Variants in ZNF101 observed in about 807,000 individuals in gnomAD.
The protein encoded by ZNF101 is zinc finger protein 101 (Y2).
ZNF101 carries 34 observed loss-of-function variants against 42.6 expected under a neutral mutation model. The ratio of observed to expected loss-of-function variants is 0.80; its 90% CI spans 0.61 to 1.06. The LOEUF (loss-of-function observed/expected upper bound fraction) is 1.06, where lower values mean the gene tolerates loss of function less well. ZNF101 is among the 50% of genes least tolerant of loss of function. The pLI is 0.00. For synonymous variants in ZNF101, 158 were observed against 183.9 expected, an observed-to-expected ratio of 0.86 and a Z score of 1.14; for missense variants, 466 against 530.9, an observed-to-expected ratio of 0.88 and a Z score of 1.20.
At chr19:19,678,482 G>C (rs1384406095) in intron 2 of ZNF101, among the ~76,000 whole-genome samples, 3 of 151,920 alleles carry the variant, frequency 2.0e-5, no homozygotes, top group Non-Finnish European at 4.4e-5. Flanking sequence ...GGGTGTGGTA[G>C]TGCATACCTG....
At position 19,679,360 on chromosome 19, in the gene ZNF101, A is replaced by G. The variant is rs181251469; in HGVS notation, c.371A>G (p.His124Arg). Reference sequence around the variant, plus strand: ...TTCCTGGACAGGCACATGAGAGCTCATGCTGGACACAAACGATCTGAGTGT... The same window carrying G: ...TTCCTGGACAGGCACATGAGAGCTCGTGCTGGACACAAACGATCTGAGTGT... ...HSFLDRHMRAHAGHKRSECGG... is the reference protein window; with the variant it reads ...HSFLDRHMRARAGHKRSECGG... Residue 124 changes from histidine to arginine, a missense_variant, in exon 4 of 4, where the codon CAT becomes CGT. By Grantham distance (29) the His-to-Arg change is conservative. Transcript: ENST00000592502. 5 of 1,614,050 alleles carry G rather than the reference A, an allele frequency of 3.1e-6. No individual in the cohort carries two copies. The highest frequency in any genetic ancestry group is 4.2e-6 in the Non-Finnish European group (5 of 1,179,958).
At chr19:19,671,488 C>G (rs1376840653) in intron 1 of ZNF101, among the ~76,000 whole-genome samples, 3 of 150,706 alleles carry the variant, frequency 2.0e-5, no homozygotes, top group Non-Finnish European at 2.9e-5. Flanking sequence ...ATACCATCAC[C>G]TTAGGTGTTA....
intron 1 of ZNF101, chr19:19,676,431 C>G (rs2062203426): frequency 1.3e-5 from 2 of 152,102 alleles, no homozygotes; most frequent in Non-Finnish European, 2.9e-5. Flanking sequence ...ATTGAAGACT[C>G]TTCTTTTTCC....
chr19:19,677,274 A>G (rs2062207866), intron 1 of ZNF101: 1 of 152,492 alleles, frequency 6.6e-6, no homozygotes, highest in Non-Finnish European at 1.5e-5. Flanking sequence ...CTCTGTGCCC[A>G]GAGTGTTTTT....
In ZNF101 at chr19:19,669,071, C is replaced by G. The variant is rs991649899; in HGVS notation, c.3+105C>G. 1.2e-5 allele frequency: 17 copies of G among 1,449,228 alleles called. No individual in the cohort carries two copies. The Admixed American group carries it at 3.6e-4, about 30-fold the overall frequency. The allele number at this position is 1,449,228 out of a possible 1,614,324, so 89.8% of individuals were successfully genotyped here. ...GCGGCGACTGTGGGGGTCTGGGACC[C>G]GAGTCCCCCAGGCGCAGCTCGACCC... On this transcript the variant is annotated intron_variant, in intron 1 of 3. Transcript: ENST00000592502.
Position 19,677,992 on chromosome 19 carries a change from T to A in ZNF101, c.130+2T>A, listed in dbSNP as rs1555755643. 2 of 1,609,120 alleles carry A rather than the reference T, an allele frequency of 1.2e-6. No homozygotes were observed. The highest frequency in any genetic ancestry group is 1.7e-6 in the Non-Finnish European group (2 of 1,176,928). ...CCTTCAGGAACCTGGCCTCGGTCGG[T>A]AAGAAGGACATTTCCTTCCTTAGTC... is the stretch of plus-strand genomic sequence containing the variant. On this transcript the variant is annotated splice_donor_variant, in intron 2 of 3. Coordinates refer to ENST00000592502, the MANE Select transcript of ZNF101 (RefSeq NM_033204.4). LOFTEE classifies it high-confidence loss of function.
In ZNF101 at chr19:19,681,366, T is replaced by G. The variant is rs1414681614; in HGVS notation, c.*1066T>G. 6.6e-6 allele frequency: 1 copy of G among 152,170 alleles called. No homozygotes were observed. The highest frequency in any genetic ancestry group is 1.5e-5 in the Non-Finnish European group (1 of 68,034). 9.4% of individuals were successfully genotyped at this position (152,170 alleles called of 1,614,324 possible). On this transcript the variant is annotated 3_prime_UTR_variant, in exon 4 of 4. Coordinates refer to ENST00000592502, the MANE Select transcript of ZNF101 (RefSeq NM_033204.4). ...TTCAAAGACACGTGTCAGTGCACAC[T>G]GGAGATGGATGGTATGAATCGAAGA...
rs763537200 is a variant in ZNF101, at chr19:19,680,244, G to A, written c.1255G>A (p.Gly419Arg). Residue 419 changes from glycine (G) to arginine (R), a missense_variant, in exon 4 of 4, where the codon GGG (glycine) becomes AGG (arginine). Physicochemically the swap from Gly to Arg is moderately radical, Grantham distance 125. Transcript: ENST00000592502. ...LRLHERTHLAGRSQCFGRRQG... is the reference protein window; with the variant it reads ...LRLHERTHLARRSQCFGRRQG... ...ACTTCATGAAAGAACTCATTTGGCC[G>A]GGCGTAGCCAGTGCTTTGGCAGGAG... is the stretch of plus-strand genomic sequence containing the variant. The A allele has an allele frequency of 7.7e-6, 12 of 1,557,612 alleles. No individual in the cohort carries two copies. Among genetic ancestry groups the A allele is most frequent in the South Asian group, 3.7e-5 (3 of 80,410 alleles).
At chr19:19,671,022 C>A (rs942374110) in intron 1 of ZNF101, among the ~76,000 whole-genome samples, 3 of 152,182 alleles carry the variant, frequency 2.0e-5, no homozygotes, top group Non-Finnish European at 1.5e-5. Context: ...AGGAGAATGG[C>A]GTGAATCCGG....
intron 1 of ZNF101, among the ~76,000 whole-genome samples, chr19:19,670,693 G>A (rs963599866): frequency 6.6e-6 from 1 of 152,028 alleles, no homozygotes; most frequent in Non-Finnish European, 1.5e-5. Flanking sequence ...GGGAGGTTGA[G>A]ACTGCCGTTA....
Position 19,679,645 on chromosome 19 carries a change from A to C in ZNF101, c.656A>C (p.His219Pro). 1 of 1,613,516 alleles carries C rather than the reference A, an allele frequency of 6.2e-7. No individual in the cohort carries two copies. ...SSFFRKHGKM[H>P]TGEKRYECKY... is the part of the protein sequence containing the mutation. ...TTCTTTCGAAAACATGGAAAAATGC[A>C]TACTGGAGAAAAACGCTATGAATGT... is the stretch of plus-strand genomic sequence containing the variant. Residue 219 changes from histidine to proline, a missense_variant, in exon 4 of 4, where the codon CAT (histidine) becomes CCT (proline). His to Pro is a moderately conservative substitution (Grantham distance 77). Coordinates refer to ENST00000592502, the MANE Select transcript of ZNF101 (RefSeq NM_033204.4).
At chr19:19,671,096 G>A (rs2062166325) in intron 1 of ZNF101, among the ~76,000 whole-genome samples, 2 of 152,136 alleles carry the variant, frequency 1.3e-5, no homozygotes, top group Admixed American at 6.6e-5. Flanking sequence ...GACAGAGCGA[G>A]ACTCCATCTC....
At chr19:19,677,308 A>G (rs2062208142) in intron 1 of ZNF101, 1 of 152,648 alleles carries the variant, frequency 6.6e-6, no homozygotes, top group Non-Finnish European at 1.5e-5. Context: ...CCTAGGCACC[A>G]CTTCTAGTTT....
chr19:19,672,564 T>G (rs1186202686), intron 1 of ZNF101, among the ~76,000 whole-genome samples: 1 of 151,840 alleles, frequency 6.6e-6, no homozygotes, highest in East Asian at 1.9e-4. Context: ...GGGTCTCTGT[T>G]GCCCAGGCTG....
At position 19,673,740 on chromosome 19, in the gene ZNF101, T is replaced by C. The variant is rs1332987714; in HGVS notation, c.4-4124T>C. Among the ~76,000 whole-genome samples the C allele has an allele frequency of 2.8e-5, 4 of 145,088 alleles. No individual in the cohort carries two copies. The East Asian group carries it at 8.2e-4, about 30-fold the overall frequency. Reference sequence around the variant, plus strand: ...CAGAGTCTCACTCTGTCGCCCAGTCTGGGCTATTTGGTGTCCTGGGTTTTA... The same window carrying C: ...CAGAGTCTCACTCTGTCGCCCAGTCCGGGCTATTTGGTGTCCTGGGTTTTA... On this transcript the variant is annotated intron_variant, in intron 1 of 3. Coordinates refer to ENST00000592502, the MANE Select transcript of ZNF101 (RefSeq NM_033204.4).
In ZNF101 at chr19:19,679,961, C is replaced by T. The variant is rs533846981; in HGVS notation, c.972C>T (p.Ser324=). 6.2e-7 allele frequency: 1 copy of T among 1,613,288 alleles called. No homozygotes were observed. Among genetic ancestry groups the T allele is most frequent in the Non-Finnish European group, 8.5e-7 (1 of 1,179,834 alleles). ...KCAKVFRCPT[S]LQAHERAHTG... is the part of the protein sequence containing the mutation. ...CCAAAGTCTTTAGATGTCCCACGTC[C>T]CTTCAAGCACATGAAAGAGCTCACA... Residue 324 remains serine (S), a synonymous_variant, in exon 4 of 4, where the codon TCC becomes TCT. Transcript: ENST00000592502.
rs1399371744 is a variant in ZNF101 at position 19,683,194 on chromosome 19, T to A, written c.*2894T>A. 6.6e-6 allele frequency: 1 copy of A among 152,174 alleles called. No homozygotes were observed. Among genetic ancestry groups the A allele is most frequent in the Non-Finnish European group, 1.5e-5 (1 of 68,044 alleles). The allele number at this position is 152,174 out of a possible 1,614,324, so 9.4% of individuals were successfully genotyped here. ...CCATCATATGTATTCCACTTTCCTT[T>A]ATTATGGGGAAAACTACTCTTTTTG... On this transcript the variant is annotated 3_prime_UTR_variant, in exon 4 of 4. Transcript: ENST00000592502.
At chr19:19,676,368 T>C (rs1424402174) in intron 1 of ZNF101, 1 of 152,126 alleles carries the variant, frequency 6.6e-6, no homozygotes, top group Non-Finnish European at 1.5e-5. Context: ...TCCACCCTAC[T>C]ACTCTACATG....
At chr19:19,678,404 T>C (rs1025701102) in intron 2 of ZNF101, among the ~76,000 whole-genome samples, 6 of 151,544 alleles carry the variant, frequency 4.0e-5, no homozygotes, top group African/African-American at 1.2e-4. Context: ...TCACCTGAGG[T>C]CAAGAGTTTG....
Sources: gnomAD v4.1 joint callset for allele counts (sites outside exome capture counted in the v4.1 genomes callset) on GRCh38, gnomAD v4.1.1 for gene constraint, MANE v1.5 for transcripts, NCBI Gene and HGNC (gene_info 2026-07-23, HGNC 2026-07-21) for gene names.